ADGRG7: variants seen among roughly 807,000 people sequenced by gnomAD.
The protein encoded by ADGRG7 is adhesion G protein-coupled receptor G7.
A neutral mutation model predicts 88.6 loss-of-function variants in ADGRG7; 82 were observed. That is an observed-to-expected ratio of 0.93 (90% CI 0.77 to 1.11). The LOEUF is 1.11. Among genes scored for constraint, ADGRG7 ranks in the 50% most tolerant of loss-of-function variants. The pLI, the probability that ADGRG7 is intolerant of heterozygous loss-of-function variation, is 0.00. For synonymous variants in ADGRG7, 381 were observed against 345.2 expected (o/e 1.10, Z -1.15); for missense variants, 945 against 953.4 (o/e 0.99, Z 0.12).
intron 2 of ADGRG7, 107 bp downstream of exon 2, chr3:100,629,818 T>C (rs976959864): frequency 7.0e-6 from 5 of 711,316 alleles, no homozygotes; most frequent in African/African-American, 1.8e-5. Flanking sequence ...ACAGAAACAA[T>C]GGACATAATG....
intron 1 of ADGRG7, among the ~76,000 whole-genome samples, chr3:100,613,086 C>T (rs1193872656): frequency 1.3e-5 from 2 of 152,108 alleles, no homozygotes; most frequent in African/African-American, 2.4e-5. Context: ...GATGTGGTTT[C>T]ACCATGCTGA....
chr3:100,651,423 A>T (rs116040517), intron 11 of ADGRG7, among the ~76,000 whole-genome samples: 221 of 152,368 alleles, frequency 1.5e-3, no homozygotes, highest in African/African-American at 5.0e-3. Flanking sequence ...TAGTTGCTGC[A>T]TAACTAGTTT....
chr3:100,628,336 T>C (rs1707411399), intron 1 of ADGRG7, among the ~76,000 whole-genome samples: 1 of 151,906 alleles, frequency 6.6e-6, no homozygotes, highest in South Asian at 2.1e-4. Flanking sequence ...ATCTATTCCA[T>C]CATTATTGAA....
At chr3:100,617,052 C>A (rs1182694197) in intron 1 of ADGRG7, among the ~76,000 whole-genome samples, 1 of 151,884 alleles carries the variant, frequency 6.6e-6, no homozygotes, top group Non-Finnish European at 1.5e-5. Context: ...GAAGTAATAA[C>A]TAAAAAGTTT....
chr3:100,620,639 T>C (rs1707297973), intron 1 of ADGRG7, among the ~76,000 whole-genome samples: 2 of 152,202 alleles, frequency 1.3e-5, no homozygotes, highest in African/African-American at 2.4e-5. Flanking sequence ...CCAGAATTCC[T>C]ACCTTATCAA....
chr3:100,610,266 A>G (rs1352360584), intron 1 of ADGRG7, among the ~76,000 whole-genome samples: 3 of 152,224 alleles, frequency 2.0e-5, no homozygotes, highest in Non-Finnish European at 2.9e-5. Context: ...AACGATTAGT[A>G]ACACACATTT....
chr3:100,635,623 GTGTT>G (rs1707525208), intron 4 of ADGRG7, 50 bp from the exon 5 acceptor site: 7 of 1,585,342 alleles, frequency 4.4e-6, no homozygotes, highest in Non-Finnish European at 6.0e-6. Flanking sequence ...TGCTTACAAA[GTGTT>G]TGGACATAAT....
chr3:100,621,235 G>A (rs897418944), intron 1 of ADGRG7, among the ~76,000 whole-genome samples: 6 of 152,004 alleles, frequency 3.9e-5, no homozygotes, highest in African/African-American at 4.8e-5. Flanking sequence ...CTATTTGAGC[G>A]AAAGGAAGAG....
intron 15 of ADGRG7, among the ~76,000 whole-genome samples, chr3:100,685,945 G>T (rs1330369978): frequency 1.3e-5 from 2 of 150,962 alleles, no homozygotes; most frequent in Non-Finnish European, 3.0e-5. Context: ...CTGAGGAATC[G>T]CCACACTGAC....
chr3:100,674,108 G>T lies in ADGRG7; in HGVS notation c.2136+5003G>T, dbSNP rs573408176. On this transcript the variant is annotated intron_variant, in intron 15 of 15. Transcript: ENST00000273352. ...TGTCTTTGTTCTCATTGGTTTCAAA[G>T]GACATCTTTATTTCTGCCTGTTTTT... is the stretch of plus-strand genomic sequence containing the variant. 1.1e-3 allele frequency among the ~76,000 whole-genome samples: 163 copies of T among 152,198 alleles called. 1 individual carries two copies. The highest frequency in any genetic ancestry group is 3.8e-3 in the African/African-American group (158 of 41,520).
intron 15 of ADGRG7, among the ~76,000 whole-genome samples, chr3:100,692,133 A>C (rs754907168): frequency 6.6e-6 from 1 of 152,228 alleles, no homozygotes; most frequent in Non-Finnish European, 1.5e-5. Context: ...AGGGCATTTG[A>C]TCAGACTATA....
intron 1 of ADGRG7, among the ~76,000 whole-genome samples, chr3:100,616,761 C>G (rs1319412653): frequency 6.6e-6 from 1 of 152,164 alleles, no homozygotes; most frequent in South Asian, 2.1e-4. Flanking sequence ...ATGGAGGCTA[C>G]AGTGAGCTAT....
At chr3:100,641,579 A>G (rs1026774218) in intron 6 of ADGRG7, among the ~76,000 whole-genome samples, 1 of 152,248 alleles carries the variant, frequency 6.6e-6, no homozygotes, top group African/African-American at 2.4e-5. Flanking sequence ...GTTAATCTAT[A>G]ATCTAATAAG....
intron 4 of ADGRG7, among the ~76,000 whole-genome samples, chr3:100,633,936 G>A (rs2149018576): frequency 6.6e-6 from 1 of 152,280 alleles, no homozygotes; most frequent in African/African-American, 2.4e-5. Context: ...CTTCATCTTT[G>A]TGGAAGTTTT....
At position 100,660,570 on chromosome 3, in the gene ADGRG7, G is replaced by T. The variant is rs547120617; in HGVS notation, c.1979+727G>T. Among the ~76,000 whole-genome samples, 162 of 152,210 alleles carry T rather than the reference G, an allele frequency of 1.1e-3. 1 individual carries two copies. The highest frequency in any genetic ancestry group is 3.8e-3 in the African/African-American group (157 of 41,558). On this transcript the variant is annotated intron_variant, in intron 14 of 15. Coordinates refer to ENST00000273352, the MANE Select transcript of ADGRG7 (RefSeq NM_032787.3). ...TCCTCCCCAGTTGGCCTCCCAAAGT[G>T]CTGAGATTACAGGCATGAGCCACTG...
In ADGRG7 at chr3:100,678,740, G is replaced by T. The variant is rs536733133; in HGVS notation, c.2136+9635G>T. Among the ~76,000 whole-genome samples, 4 of 152,354 alleles carry T rather than the reference G, an allele frequency of 2.6e-5. No homozygotes were observed. In the East Asian group the frequency reaches 7.7e-4, roughly 29 times the overall value. ...TTGGCATCTTAGGTAAGATCTGGGA[G>T]AATTGCATGGATTATGAGGCAGAGA... On this transcript the variant is annotated intron_variant, in intron 15 of 15. Coordinates refer to ENST00000273352, the MANE Select transcript of ADGRG7 (RefSeq NM_032787.3).
intron 15 of ADGRG7, among the ~76,000 whole-genome samples, chr3:100,674,965 A>AATTTATCC (rs1233826699): frequency 6.6e-6 from 1 of 152,128 alleles, no homozygotes; most frequent in Non-Finnish European, 1.5e-5. Flanking sequence ...AACTTTACTG[A>AATTTATCC]ATTTATCCAT....
At chr3:100,694,690 C>T in intron 15 of ADGRG7, 54 bp from the exon 16 acceptor site, 2 of 1,542,676 alleles carry the variant, frequency 1.3e-6, no homozygotes, top group Non-Finnish European at 1.8e-6. Flanking sequence ...AAATGTCTTC[C>T]TTGATACTGT....
At chr3:100,622,264 ATTT>A (rs57699713) in intron 1 of ADGRG7, among the ~76,000 whole-genome samples, 182 of 130,898 alleles carry the variant, frequency 1.4e-3, no homozygotes, top group African/African-American at 5.1e-3. Flanking sequence ...CTCTATATTC[ATTT>A]TTTTTTTTTT....
Sources: gnomAD v4.1 joint callset for allele counts (sites outside exome capture counted in the v4.1 genomes callset) on GRCh38, gnomAD v4.1.1 for gene constraint, MANE v1.5 for transcripts, NCBI Gene and HGNC (gene_info 2026-07-23, HGNC 2026-07-21) for gene names.